ACSS1: variants seen among roughly 807,000 people sequenced by gnomAD.
The protein encoded by ACSS1 is acetyl-coenzyme A synthetase 2-like, mitochondrial.
A neutral mutation model predicts 75.3 loss-of-function variants in ACSS1; 42 were observed. That is an observed-to-expected ratio of 0.56 (90% CI 0.44 to 0.72). The LOEUF is 0.72. Ranked by LOEUF, ACSS1 falls within the 30% of genes least tolerant of loss-of-function variation. The probability of loss-of-function intolerance (pLI) is 0.00; values close to 1 mark genes in which losing one functional copy is unlikely to be tolerated. For missense variants in ACSS1, 782 were observed against 935.7 expected, an observed-to-expected ratio of 0.84 and a Z score of 2.14; for synonymous variants, 380 against 376.8, an observed-to-expected ratio of 1.01 and a Z score of -0.10.
intron 3 of ACSS1, among the ~76,000 whole-genome samples, chr20:25,026,798 C>G (rs111307708): frequency 3.3e-5 from 5 of 152,316 alleles, no homozygotes; most frequent in African/African-American, 9.6e-5. Flanking sequence ...CAGAGCTGCA[C>G]AAAAAGGCTG....
rs776887830 is a variant in ACSS1, at chr20:25,023,570, C to G, written c.703G>C (p.Val235Leu). Residue 235 changes from valine to leucine, a missense_variant, in exon 4 of 14, where the codon GTG (valine) becomes CTG (leucine). Val to Leu is a conservative substitution (Grantham distance 32). Coordinates refer to ENST00000323482, the MANE Select transcript of ACSS1 (RefSeq NM_032501.4). ...GGGCAGTGCTTCACAGCCTCATCCACTATTTTCTTCAGCTCCACCACGCGC... is the reference window on the plus strand; with the variant it reads ...GGGCAGTGCTTCACAGCCTCATCCAGTATTTTCTTCAGCTCCACCACGCGC... ...GGRVVELKKI[V>L]DEAVKHCPTV... The G allele has an allele frequency of 6.2e-7, 1 of 1,614,136 alleles. No individual in the cohort carries two copies. The highest frequency in any genetic ancestry group is 1.7e-5 in the Admixed American group (1 of 60,016).
chr20:25,014,196 A>T, intron 8 of ACSS1, 123 bp from the exon 9 acceptor site: 1 of 773,038 alleles, frequency 1.3e-6, no homozygotes, highest in Non-Finnish European at 2.1e-6. Flanking sequence ...GGGCACAACG[A>T]TCTTTGAGGC....
chr20:25,019,926 T>C, intron 7 of ACSS1, 84 bp downstream of exon 7: 1 of 1,580,962 alleles, frequency 6.3e-7, no homozygotes, highest in South Asian at 1.1e-5. Context: ...GGCAGCTTCA[T>C]GACTGAAGTC....
rs2088312549 is a variant in ACSS1 at position 25,006,613 on chromosome 20, G to A, written c.*1149C>T. 3.8e-6 allele frequency: 2 copies of A among 521,598 alleles called. No homozygotes were observed. Among genetic ancestry groups the A allele is most frequent in the Non-Finnish European group, 6.8e-6 (2 of 294,262 alleles). 32.3% of individuals were successfully genotyped at this position (521,598 alleles called of 1,614,324 possible). On this transcript the variant is annotated 3_prime_UTR_variant, in exon 14 of 14. Coordinates refer to ENST00000323482, the MANE Select transcript of ACSS1 (RefSeq NM_032501.4). ...AGGACAAACTCTCCCTCCCCTAAGG[G>A]ACCCGGCTCACTGGGCCTCCTTCCC...
chr20:25,025,442 C>A (rs2122655896), intron 3 of ACSS1, among the ~76,000 whole-genome samples: 1 of 152,374 alleles, frequency 6.6e-6, no homozygotes, highest in Non-Finnish European at 1.5e-5. Context: ...CAGGTACCAG[C>A]ATCTGCGTTC....
At chr20:25,036,943 A>T (rs2088916984) in intron 2 of ACSS1, among the ~76,000 whole-genome samples, 1 of 140,246 alleles carries the variant, frequency 7.1e-6, no homozygotes, top group Non-Finnish European at 1.6e-5. Flanking sequence ...TGACAGAGCT[A>T]GACTCTGTCA....
In ACSS1 at chr20:25,007,780, C is replaced by T. The variant is rs2088334676; in HGVS notation, c.2052G>A (p.Lys684=). ...ILSVYQKCKD[K]QAAAK is the part of the protein sequence containing the mutation. Reference sequence around the variant, plus strand: ...TGCCAGCTCACTTAGCAGCAGCCTGCTTGTCCTTGCACTTCTGGTAGACAC... The same window carrying T: ...TGCCAGCTCACTTAGCAGCAGCCTGTTTGTCCTTGCACTTCTGGTAGACAC... The change falls in exon 14 of 14, where the codon AAG becomes AAA. Residue 684 remains lysine, a synonymous_variant. Transcript: ENST00000323482. 1 of 1,614,152 alleles carries T rather than the reference C, an allele frequency of 6.2e-7. No individual in the cohort carries two copies. The highest frequency in any genetic ancestry group is 8.5e-7 in the Non-Finnish European group (1 of 1,179,994).
chr20:25,021,191 T>A (rs1047456654), intron 6 of ACSS1, among the ~76,000 whole-genome samples, 198 bp downstream of exon 6: 1 of 152,178 alleles, frequency 6.6e-6, no homozygotes, highest in Admixed American at 6.5e-5. Context: ...CAAGTCAGAC[T>A]CCCTGCTGCT....
At chr20:25,029,929 T>C (rs995663386) in intron 3 of ACSS1, among the ~76,000 whole-genome samples, 1 of 152,222 alleles carries the variant, frequency 6.6e-6, no homozygotes, top group African/African-American at 2.4e-5. Context: ...GAACAGTGCC[T>C]GGTACACAGT....
chr20:25,039,988 C>A (rs1216357178), intron 2 of ACSS1, among the ~76,000 whole-genome samples: 1 of 152,264 alleles, frequency 6.6e-6, no homozygotes, highest in Non-Finnish European at 1.5e-5. Flanking sequence ...GTCCTGGAAG[C>A]CAGCCCCGAG....
At chr20:25,055,982 C>T (rs1269035633) in intron 1 of ACSS1, among the ~76,000 whole-genome samples, 1 of 152,214 alleles carries the variant, frequency 6.6e-6, no homozygotes. Flanking sequence ...GGGGAGAAAG[C>T]TGCTGAAAAG....
At position 25,057,802 on chromosome 20, in the gene ACSS1, C is replaced by T. The variant is rs765163864; in HGVS notation, c.301G>A (p.Gly101Ser). The T allele has an allele frequency of 8.2e-6, 13 of 1,594,768 alleles. No individual in the cohort carries two copies. The highest frequency in any genetic ancestry group is 1.3e-5 in the African/African-American group (1 of 74,398). ...TTTAACTGGCCTCCCAGGAACCAGC[C>T]GATCTTGCCAGTGCTGAAGTCGCAG... ...WDCDFSTGKI[G>S]WFLGGQLNVS... is the part of the protein sequence containing the mutation. Residue 101 changes from glycine (G) to serine (S), a missense_variant, in exon 1 of 14, where the codon GGC becomes AGC. Physicochemically the swap from Gly to Ser is moderately conservative, Grantham distance 56 (BLOSUM62 0). Around this residue, in one of 2 missense-constraint regions of ACSS1, gnomAD observed 377 missense variants for 383.1 expected, o/e 0.98. Coordinates refer to ENST00000323482, the MANE Select transcript of ACSS1 (RefSeq NM_032501.4).
chr20:25,013,450 T>C, intron 10 of ACSS1, 86 bp downstream of exon 10: 2 of 1,506,512 alleles, frequency 1.3e-6, no homozygotes, highest in African/African-American at 2.8e-5. Context: ...TACGCTGCAC[T>C]CAAATCCCAT....
intron 3 of ACSS1, among the ~76,000 whole-genome samples, chr20:25,026,671 C>T (rs1257308790): frequency 6.6e-6 from 1 of 152,230 alleles, no homozygotes; most frequent in East Asian, 1.9e-4. Flanking sequence ...TTATTAAACA[C>T]TAAGTTTTGG....
At chr20:25,025,819 C>G (rs1445098526) in intron 3 of ACSS1, among the ~76,000 whole-genome samples, 3 of 152,154 alleles carry the variant, frequency 2.0e-5, no homozygotes, top group Non-Finnish European at 2.9e-5. Context: ...TCTGACCTCC[C>G]CTTCTGCTTC....
intron 5 of ACSS1, among the ~76,000 whole-genome samples, chr20:25,022,202 C>CA (rs377107007): frequency 8.0e-5 from 12 of 150,926 alleles, no homozygotes; most frequent in East Asian, 3.9e-4. Flanking sequence ...ACTAAAAATA[C>CA]AAAAAAAAAT....
In ACSS1 at chr20:25,027,779, C is replaced by CAA. The variant is rs78414153; in HGVS notation, c.631+2978_631+2979dup. Among the ~76,000 whole-genome samples the CAA allele has an allele frequency of 3.8e-3, 283 of 75,256 alleles. 2 individuals are homozygous for CAA. The highest frequency in any genetic ancestry group is 7.1e-3 in the South Asian group (13 of 1,828). The allele number at this position is 75,256 out of a possible 152,430, so 49.4% of individuals were successfully genotyped here. ...CAAAGTTGTTGCCAGAGTGATCAGG[C>CAA]AAAAAAAAAAAAAAAAAAGAAATAA... is the stretch of plus-strand genomic sequence containing the variant. On this transcript the variant is annotated intron_variant, in intron 3 of 13. Coordinates refer to ENST00000323482, the MANE Select transcript of ACSS1 (RefSeq NM_032501.4).
intron 2 of ACSS1, among the ~76,000 whole-genome samples, chr20:25,038,837 C>G (rs574157893): frequency 6.6e-6 from 1 of 152,304 alleles, no homozygotes; most frequent in South Asian, 2.1e-4. Context: ...ACATGCTCTG[C>G]ACAGCCTACC....
In ACSS1 at chr20:25,042,911, C is replaced by T. The variant is rs143835385; in HGVS notation, c.431+5174G>A. Among the ~76,000 whole-genome samples the T allele has an allele frequency of 1.1e-4, 16 of 152,328 alleles. No homozygotes were observed. The East Asian group carries it at 3.1e-3, about 29-fold the overall frequency. On this transcript the variant is annotated intron_variant, in intron 2 of 13. Coordinates refer to ENST00000323482, the MANE Select transcript of ACSS1 (RefSeq NM_032501.4). ...TTTTCATCCCACATGCCCCTCTCCA[C>T]GCCCAGCAGCCCAGTGGAGGAGAAG...
Sources: gnomAD v4.1 joint callset for allele counts (sites outside exome capture counted in the v4.1 genomes callset) on GRCh38, gnomAD v4.1.1 for gene constraint, gnomAD v4.1.1 regional missense constraint, MANE v1.5 for transcripts, NCBI Gene and HGNC (gene_info 2026-07-23, HGNC 2026-07-21) for gene names.